Variants in PALS2 observed in about 807,000 individuals in gnomAD.
PALS2 encodes the protein protein PALS2.
In PALS2, 27 loss-of-function variants were observed where a neutral mutation model predicts 61.6. That is an observed-to-expected ratio of 0.44 (90% CI 0.32 to 0.60). PALS2 has a LOEUF of 0.60. Among genes scored for constraint, PALS2 ranks in the 20% least tolerant of loss-of-function variants. PALS2 has a pLI of 0.05. For synonymous variants in PALS2, 236 were observed against 218.6 expected, an observed-to-expected ratio of 1.08 and a Z score of -0.70; for missense variants, 554 against 639.4, an observed-to-expected ratio of 0.87 and a Z score of 1.44.
intron 2 of PALS2, among the ~76,000 whole-genome samples, chr7:24,624,757 C>T (rs1200133263): frequency 4.0e-5 from 6 of 151,814 alleles, no homozygotes; most frequent in African/African-American, 1.5e-4. Context: ...CAGGCGTGTG[C>T]CACCACCCCT....
intron 11 of PALS2, among the ~76,000 whole-genome samples, chr7:24,683,427 G>C (rs568116960): frequency 3.6e-4 from 55 of 152,008 alleles, no homozygotes; most frequent in African/African-American, 1.1e-3. Flanking sequence ...AAACTTATCT[G>C]GTGTGCTTTA....
intron 1 of PALS2, among the ~76,000 whole-genome samples, chr7:24,601,737 G>A (rs935795219): frequency 2.6e-5 from 4 of 151,902 alleles, no homozygotes; most frequent in Non-Finnish European, 5.9e-5. Context: ...CTTGATTGAT[G>A]GTTTGGCAGG....
At position 24,638,532 on chromosome 7, in the gene PALS2, CG is replaced by C. The variant is rs1331759403; in HGVS notation, c.118-3183del. Among the ~76,000 whole-genome samples the C allele has an allele frequency of 4.9e-4, 25 of 51,082 alleles. 6 individuals are homozygous for C. Among genetic ancestry groups the C allele is most frequent in the African/African-American group, 8.3e-4 (2 of 2,408 alleles). The allele number at this position is 51,082 out of a possible 152,430, so 33.5% of individuals were successfully genotyped here. A position where few individuals can be genotyped will look rare whatever the true frequency, so the allele number is the denominator to read the frequency against. ...TTTTTTAGTAGAGACGGGGTTTCAC[CG>C]TTTTAGCCGGGATGGTCTCGATCTC... is the stretch of plus-strand genomic sequence containing the variant. On this transcript the variant is annotated intron_variant, in intron 2 of 11. Transcript: ENST00000222644.
rs534775351 is a variant in PALS2 at position 24,618,243 on chromosome 7, T to C, written c.-2-5423T>C. ...TACAGTGGTGTGACTGGCTCAAGGG[T>C]GGGTTCTCCCTGGATGTGTCCACCA... On this transcript the variant is annotated intron_variant, in intron 1 of 11. Transcript: ENST00000222644. This position sits in a 1 kb window ranked among gnomAD's most constrained non-coding sequence, Gnocchi z 5.1. Among the ~76,000 whole-genome samples the C allele has an allele frequency of 1.3e-4, 20 of 152,000 alleles. No individual in the cohort carries two copies. The highest frequency in any genetic ancestry group is 4.6e-4 in the African/African-American group (19 of 41,478).
chr7:24,636,615 T>C (rs565322210), intron 2 of PALS2, among the ~76,000 whole-genome samples: 1 of 152,322 alleles, frequency 6.6e-6, no homozygotes, highest in East Asian at 1.9e-4. Flanking sequence ...TGTATATACA[T>C]GCATTGAAAC....
intron 1 of PALS2, among the ~76,000 whole-genome samples, chr7:24,588,583 T>A (rs1783162816): frequency 6.6e-6 from 1 of 152,176 alleles, no homozygotes; most frequent in African/African-American, 2.4e-5. Flanking sequence ...TTCTGATTTT[T>A]TAGTATATAA....
intron 1 of PALS2, among the ~76,000 whole-genome samples, chr7:24,585,206 A>G (rs969267669): frequency 1.3e-5 from 2 of 152,014 alleles, no homozygotes; most frequent in Non-Finnish European, 2.9e-5. Flanking sequence ...GAAGAAAGTC[A>G]TTGGTAGCTT....
Position 24,585,291 on chromosome 7 carries a change from A to G in PALS2, c.-3+11698A>G, listed in dbSNP as rs141732911. ...TTGACGATATTGATTCTTCCTACCT[A>G]TGAGCGTGGAATGTTCTTGCATTTG... On this transcript the variant is annotated intron_variant, in intron 1 of 11. Coordinates refer to ENST00000222644, the MANE Select transcript of PALS2 (RefSeq NM_001303037.2). Among the ~76,000 whole-genome samples the G allele has an allele frequency of 1.6e-3, 242 of 151,890 alleles. 1 individual carries two copies. The highest frequency in any genetic ancestry group is 2.9e-3 in the Non-Finnish European group (196 of 67,950).
intron 1 of PALS2, among the ~76,000 whole-genome samples, chr7:24,609,044 A>G (rs1784024261): frequency 3.3e-5 from 5 of 152,318 alleles, no homozygotes; most frequent in African/African-American, 1.2e-4. Context: ...TCAGAATGCT[A>G]ACAAAAATAA....
chr7:24,691,405 G>GTGTGTATATATATATATA lies in PALS2; in HGVS notation c.*3792_*3793insGTGTATATATATATATAT, dbSNP rs1274329385. On this transcript the variant is annotated 3_prime_UTR_variant, in exon 12 of 12. Coordinates refer to ENST00000222644, the MANE Select transcript of PALS2 (RefSeq NM_001303037.2). ...ATATTATGTATGTGTGTGTGTGTGT[G>GTGTGTATATATATATATA]TATATATATATATATATATATATAT... 1.8e-5 allele frequency: 2 copies of GTGTGTATATATATATATA among 110,596 alleles called. No homozygotes were observed. Among genetic ancestry groups the GTGTGTATATATATATATA allele is most frequent in the African/African-American group, 3.1e-5 (1 of 32,340 alleles). The allele number at this position is 110,596 out of a possible 1,614,324, so 6.9% of individuals were successfully genotyped here. A position where few individuals can be genotyped will look rare whatever the true frequency, so the allele number is the denominator to read the frequency against.
intron 1 of PALS2, chr7:24,619,937 T>C (rs958526762): frequency 2.0e-5 from 3 of 152,060 alleles, no homozygotes; most frequent in Non-Finnish European, 4.4e-5. Flanking sequence ...TTTGTAAGGC[T>C]CCCATTCCAG....
intron 9 of PALS2, among the ~76,000 whole-genome samples, chr7:24,674,826 C>A (rs1787476720): frequency 7.0e-6 from 1 of 142,552 alleles, no homozygotes. Flanking sequence ...TGTTATGCAT[C>A]CTGTTTTCAA....
chr7:24,576,719 T>C (rs1782654488), intron 1 of PALS2, among the ~76,000 whole-genome samples: 3 of 152,234 alleles, frequency 2.0e-5, no homozygotes, highest in Non-Finnish European at 2.9e-5. Flanking sequence ...TGGAAGGATC[T>C]GGAAAGATCA....
intron 2 of PALS2, among the ~76,000 whole-genome samples, chr7:24,632,901 A>T (rs1479847400): frequency 6.9e-6 from 1 of 144,074 alleles, no homozygotes; most frequent in Non-Finnish European, 1.5e-5. Flanking sequence ...GTTAGACTTT[A>T]AAAAAAAAAC....
chr7:24,639,759 G>T (rs1583923331), intron 2 of PALS2, among the ~76,000 whole-genome samples: 2 of 136,178 alleles, frequency 1.5e-5, no homozygotes, highest in African/African-American at 2.7e-5. Flanking sequence ...TGTATTATAT[G>T]TTCAGAAAAT....
At chr7:24,578,726 A>G (rs764735570) in intron 1 of PALS2, among the ~76,000 whole-genome samples, 1 of 152,242 alleles carries the variant, frequency 6.6e-6, no homozygotes, top group Non-Finnish European at 1.5e-5. Flanking sequence ...TCTCATTATT[A>G]GAACTTGGTT....
chr7:24,621,890 C>T (rs920125714), intron 1 of PALS2, among the ~76,000 whole-genome samples: 1 of 151,978 alleles, frequency 6.6e-6, no homozygotes, highest in Non-Finnish European at 1.5e-5. Flanking sequence ...TAGCGTCACT[C>T]TCTAACATGT....
chr7:24,610,355 T>C (rs946367959), intron 1 of PALS2, among the ~76,000 whole-genome samples: 2 of 152,194 alleles, frequency 1.3e-5, no homozygotes. Flanking sequence ...ACCAGTTTCA[T>C]ACATGTGTTT....
At position 24,693,546 on chromosome 7, in the gene PALS2, C is replaced by CT. The variant is rs1788572588; in HGVS notation, c.*5935dup. 1 of 152,116 alleles carries CT rather than the reference C, an allele frequency of 6.6e-6. No individual in the cohort carries two copies. The highest frequency in any genetic ancestry group is 1.5e-5 in the Non-Finnish European group (1 of 68,008). The allele number at this position is 152,116 out of a possible 1,614,324, so 9.4% of individuals were successfully genotyped here. ...GTGGACAGTAGTGTAAGTAACATTG[C>CT]TTTAAAGACATAAAGCTTGTCCTGG... On this transcript the variant is annotated 3_prime_UTR_variant, in exon 12 of 12. Transcript: ENST00000222644.
Sources: gnomAD v4.1 joint callset for allele counts (sites outside exome capture counted in the v4.1 genomes callset) on GRCh38, gnomAD v4.1.1 for gene constraint, Gnocchi (gnomAD v3.1) non-coding constraint, MANE v1.5 for transcripts, NCBI Gene and HGNC (gene_info 2026-07-23, HGNC 2026-07-21) for gene names.